JARID2: variants seen among roughly 807,000 people sequenced by gnomAD.
The protein encoded by JARID2 is jumonji and AT-rich interaction domain containing 2.
In JARID2, 21 loss-of-function variants were observed where a neutral mutation model predicts 125.6. That is an observed-to-expected ratio of 0.17 (90% CI 0.12 to 0.24). The LOEUF is 0.24. Among genes scored for constraint, JARID2 ranks in the 10% least tolerant of loss-of-function variants. The probability of loss-of-function intolerance (pLI) is 1.00; values close to 1 mark genes in which losing one functional copy is unlikely to be tolerated. For missense variants in JARID2, 1,303 were observed against 1,639.6 expected (o/e 0.79, Z 3.55); for synonymous variants, 736 against 661.6 (o/e 1.11, Z -1.73).
intron 1 of JARID2, among the ~76,000 whole-genome samples, chr6:15,352,521 C>T (rs1246729151): frequency 6.6e-6 from 1 of 152,190 alleles, no homozygotes; most frequent in African/African-American, 2.4e-5. Context: ...CCTGGGAGGT[C>T]TAAGTCAGGG....
At position 15,501,400 on chromosome 6, in the gene JARID2, C is replaced by T; in HGVS notation, c.2439C>T (p.Cys813=). ...DKGVLNDFHK[C]IYKGRSVSLT... ...GCGTCCTCAATGACTTCCACAAGTG[C>T]ATCTATAAGGTAGGGGCCTCCGCAG... is the stretch of plus-strand genomic sequence containing the variant. The change falls in exon 8 of 18, where the codon TGC becomes TGT. Residue 813 remains cysteine, a synonymous_variant. Transcript: ENST00000341776. The T allele has an allele frequency of 6.5e-7, 1 of 1,541,952 alleles. No homozygotes were observed. The highest frequency in any genetic ancestry group is 8.7e-7 in the Non-Finnish European group (1 of 1,145,776).
chr6:15,359,516 G>A (rs1050710741), intron 1 of JARID2, among the ~76,000 whole-genome samples: 1 of 152,074 alleles, frequency 6.6e-6, no homozygotes, highest in Non-Finnish European at 1.5e-5. Flanking sequence ...AGCTACCCGC[G>A]TGGGCAGGCC....
chr6:15,283,082 C>T (rs538879256), intron 1 of JARID2, among the ~76,000 whole-genome samples: 1 of 151,468 alleles, frequency 6.6e-6, no homozygotes, highest in Admixed American at 6.6e-5. Context: ...GGGTTCTTGC[C>T]ATTCTCCTGC....
intron 1 of JARID2, among the ~76,000 whole-genome samples, chr6:15,336,294 T>G (rs1197108213): frequency 6.6e-6 from 1 of 152,260 alleles, no homozygotes; most frequent in Admixed American, 6.5e-5. Context: ...TTAACAACAC[T>G]GGTGGTTCAG....
chr6:15,270,372 T>C (rs1760249721), intron 1 of JARID2, among the ~76,000 whole-genome samples: 1 of 152,188 alleles, frequency 6.6e-6, no homozygotes, highest in South Asian at 2.1e-4. Context: ...CCTCAGGTGA[T>C]CCACCCGCCT....
intron 1 of JARID2, among the ~76,000 whole-genome samples, chr6:15,371,351 A>T (rs138505874): frequency 2.2e-4 from 34 of 152,348 alleles, no homozygotes; most frequent in Non-Finnish European, 3.4e-4. Flanking sequence ...AACTGTGTAC[A>T]TGTAGGAAAT....
At chr6:15,395,237 C>T (rs181814267) in intron 2 of JARID2, among the ~76,000 whole-genome samples, 4 of 152,054 alleles carry the variant, frequency 2.6e-5, no homozygotes, top group Non-Finnish European at 4.4e-5. Context: ...GTCAGAAATT[C>T]GAAAAGGTGA....
intron 1 of JARID2, among the ~76,000 whole-genome samples, chr6:15,278,130 G>C (rs1156529408): frequency 6.6e-6 from 1 of 152,024 alleles, no homozygotes; most frequent in Non-Finnish European, 1.5e-5. Context: ...GCTGAAGCAG[G>C]AGAATCCCAG....
At chr6:15,512,655 G>A (rs1771335826) in intron 14 of JARID2, among the ~76,000 whole-genome samples, 2 of 152,146 alleles carry the variant, frequency 1.3e-5, no homozygotes, top group African/African-American at 4.8e-5. Flanking sequence ...GATGCTCAAG[G>A]TAATTGCTTA....
At chr6:15,451,770 T>G (rs1368946734) in intron 3 of JARID2, among the ~76,000 whole-genome samples, 2 of 152,222 alleles carry the variant, frequency 1.3e-5, no homozygotes, top group African/African-American at 4.8e-5. Flanking sequence ...TATACACATG[T>G]CCATGACACA....
intron 3 of JARID2, among the ~76,000 whole-genome samples, chr6:15,451,528 C>G (rs1209758404): frequency 6.6e-6 from 1 of 152,070 alleles, no homozygotes; most frequent in Admixed American, 6.6e-5. Context: ...GCTAAATAGG[C>G]AAAGGTGACC....
chr6:15,318,973 T>G (rs1414489170), intron 1 of JARID2, among the ~76,000 whole-genome samples: 1 of 152,212 alleles, frequency 6.6e-6, no homozygotes, highest in Admixed American at 6.5e-5. Context: ...TTACTGTGGC[T>G]GGCTTTATTA....
chr6:15,250,152 A>C (rs959862230), intron 1 of JARID2, among the ~76,000 whole-genome samples: 4 of 152,216 alleles, frequency 2.6e-5, no homozygotes, highest in African/African-American at 9.6e-5. Context: ...AATTTGTACC[A>C]CTAGGCTGTA....
At chr6:15,304,226 C>T (rs1346673064) in intron 1 of JARID2, among the ~76,000 whole-genome samples, 3 of 150,502 alleles carry the variant, frequency 2.0e-5, no homozygotes, top group Non-Finnish European at 4.4e-5. Context: ...GCTGCGCAGC[C>T]TCAGTTGTCC....
chr6:15,281,392 T>G (rs1202071038), intron 1 of JARID2, among the ~76,000 whole-genome samples: 1 of 152,200 alleles, frequency 6.6e-6, no homozygotes, highest in Non-Finnish European at 1.5e-5. Flanking sequence ...TATGTGTGAA[T>G]TCACAAACAA....
chr6:15,390,358 C>T (rs1764952386), intron 2 of JARID2, among the ~76,000 whole-genome samples: 2 of 152,044 alleles, frequency 1.3e-5, no homozygotes, highest in East Asian at 1.9e-4. Flanking sequence ...GTTCTCTATC[C>T]GTTCATCGCC....
intron 2 of JARID2, among the ~76,000 whole-genome samples, chr6:15,409,245 G>A (rs996850243): frequency 6.6e-6 from 1 of 152,148 alleles, no homozygotes; most frequent in African/African-American, 2.4e-5. Flanking sequence ...TAAAATTGGT[G>A]GAAGGACTAG....
chr6:15,355,193 C>A (rs1335358777), intron 1 of JARID2, among the ~76,000 whole-genome samples: 1 of 152,104 alleles, frequency 6.6e-6, no homozygotes, highest in African/African-American at 2.4e-5. Flanking sequence ...TCTGCCTGTA[C>A]TTTGTATTGA....
At chr6:15,401,663 G>A (rs990035437) in intron 2 of JARID2, among the ~76,000 whole-genome samples, 9 of 152,164 alleles carry the variant, frequency 5.9e-5, no homozygotes, top group Admixed American at 5.9e-4. Flanking sequence ...TAAACTTCGA[G>A]TGCTCTTGAT....
Sources: gnomAD v4.1 joint callset for allele counts (sites outside exome capture counted in the v4.1 genomes callset) on GRCh38, gnomAD v4.1.1 for gene constraint, MANE v1.5 for transcripts, NCBI Gene and HGNC (gene_info 2026-07-23, HGNC 2026-07-21) for gene names.